Variants in TMEM117 observed in about 807,000 individuals in gnomAD.
The protein encoded by TMEM117 is transmembrane protein 117.
In TMEM117, 27 loss-of-function variants were observed where a neutral mutation model predicts 52.4. The ratio of observed to expected loss-of-function variants is 0.51; its 90% CI spans 0.38 to 0.71. The LOEUF (loss-of-function observed/expected upper bound fraction) is 0.71. Ranked by LOEUF, TMEM117 falls within the 30% of genes least tolerant of loss-of-function variation. TMEM117 has a pLI of 0.00. For synonymous variants in TMEM117, 215 were observed against 206.3 expected (o/e 1.04, Z -0.36); for missense variants, 556 against 630.5 (o/e 0.88, Z 1.26).
chr12:44,039,966 T>A (rs1274091538), intron 3 of TMEM117, among the ~76,000 whole-genome samples: 1 of 152,178 alleles, frequency 6.6e-6, no homozygotes, highest in Non-Finnish European at 1.5e-5. Flanking sequence ...GTCTTTTAAA[T>A]CTTGTGATAG....
chr12:44,064,138 A>G (rs1464261457), intron 3 of TMEM117, among the ~76,000 whole-genome samples: 1 of 152,116 alleles, frequency 6.6e-6, no homozygotes, highest in Admixed American at 6.5e-5. Flanking sequence ...TGATTCCCTA[A>G]AAAGAGAGAT....
At chr12:44,339,168 G>C (rs563319967) in intron 6 of TMEM117, among the ~76,000 whole-genome samples, 162 of 152,106 alleles carry the variant, frequency 1.1e-3, no homozygotes, top group African/African-American at 3.0e-3. Flanking sequence ...CATGTTCTTG[G>C]TTTGCCTAAT....
At chr12:44,046,422 A>T (rs1345514346) in intron 3 of TMEM117, among the ~76,000 whole-genome samples, 2 of 152,232 alleles carry the variant, frequency 1.3e-5, no homozygotes, top group East Asian at 3.8e-4. Context: ...AAGAGCATGC[A>T]TGGAATATAG....
intron 3 of TMEM117, among the ~76,000 whole-genome samples, chr12:43,978,511 CT>C (rs1945709764): frequency 6.6e-6 from 1 of 152,152 alleles, no homozygotes; most frequent in South Asian, 2.1e-4. Context: ...CAAACAGCCA[CT>C]TTTCCATTTT....
At chr12:44,317,002 CTT>C (rs1202276425) in intron 6 of TMEM117, among the ~76,000 whole-genome samples, 17 of 121,526 alleles carry the variant, frequency 1.4e-4, no homozygotes, top group Admixed American at 3.4e-4. Flanking sequence ...TTTTCTTTTT[CTT>C]TTTTTTTTTT....
chr12:44,122,809 T>C (rs1449095551), intron 3 of TMEM117, among the ~76,000 whole-genome samples: 2 of 152,254 alleles, frequency 1.3e-5, no homozygotes, highest in African/African-American at 4.8e-5. Flanking sequence ...TTATCCAGCC[T>C]ATAGTTGATG....
intron 4 of TMEM117, among the ~76,000 whole-genome samples, chr12:44,197,137 A>T (rs772065723): frequency 6.6e-6 from 1 of 152,162 alleles, no homozygotes. Context: ...TAGGCATTTC[A>T]TTTAGAAAAC....
rs1326917461 is a variant in TMEM117 at position 44,388,713 on chromosome 12, G to C, written c.*41G>C. Reference sequence around the variant, plus strand: ...TGGAGATAACACAAAAAGCAACCTTGAGTGTAACTTTAAAAATTTAGTCTT... The same window carrying C: ...TGGAGATAACACAAAAAGCAACCTTCAGTGTAACTTTAAAAATTTAGTCTT... On this transcript the variant is annotated 3_prime_UTR_variant, in exon 8 of 8. Transcript: ENST00000266534. 1.3e-6 allele frequency: 2 copies of C among 1,583,084 alleles called. No homozygotes were observed. Among genetic ancestry groups the C allele is most frequent in the Non-Finnish European group, 1.7e-6 (2 of 1,166,754 alleles).
chr12:43,941,707 T>C (rs1945047426), intron 2 of TMEM117, among the ~76,000 whole-genome samples: 1 of 152,252 alleles, frequency 6.6e-6, no homozygotes, highest in South Asian at 2.1e-4. Context: ...CTGGACTTAA[T>C]ATTTTGCAGC....
rs140894546 is a variant in TMEM117 at position 43,939,977 on chromosome 12, C to T, written c.278-4233C>T. On this transcript the variant is annotated intron_variant, in intron 2 of 7. Coordinates refer to ENST00000266534, the MANE Select transcript of TMEM117 (RefSeq NM_032256.3). The stretch of plus-strand genomic sequence containing the variant: ...AATAAAACCGTCAGCTCTCATGAGA[C>T]TTATTCACTACCACAAGAACAGCAC... 7.0e-3 allele frequency among the ~76,000 whole-genome samples: 1,063 copies of T among 152,268 alleles called. 10 individuals are homozygous for T. Among genetic ancestry groups the T allele is most frequent in the African/African-American group, 0.023 (959 of 41,542 alleles).
At chr12:44,211,837 C>T (rs545065725) in intron 5 of TMEM117, among the ~76,000 whole-genome samples, 50 of 152,284 alleles carry the variant, frequency 3.3e-4, no homozygotes, top group African/African-American at 1.2e-3. Context: ...TTTAGCTCTC[C>T]AGCCCAATCT....
intron 5 of TMEM117, among the ~76,000 whole-genome samples, chr12:44,228,271 A>G (rs1256746476): frequency 3.3e-5 from 5 of 152,138 alleles, no homozygotes; most frequent in Admixed American, 1.3e-4. Flanking sequence ...GACTTGAACT[A>G]TAAAGGAAAC....
intron 2 of TMEM117, among the ~76,000 whole-genome samples, chr12:43,866,021 A>G (rs1372425259): frequency 3.3e-5 from 5 of 151,916 alleles, no homozygotes; most frequent in African/African-American, 1.2e-4. Flanking sequence ...CAGCACTTAG[A>G]TGATCCAGAA....
intron 5 of TMEM117, among the ~76,000 whole-genome samples, chr12:44,254,708 G>A (rs1262188284): frequency 1.3e-5 from 2 of 151,888 alleles, no homozygotes; most frequent in East Asian, 3.9e-4. Context: ...TGCACAATGT[G>A]CAGGTTTGTT....
At chr12:43,907,012 C>T (rs917472484) in intron 2 of TMEM117, among the ~76,000 whole-genome samples, 2 of 152,234 alleles carry the variant, frequency 1.3e-5, no homozygotes, top group African/African-American at 4.8e-5. Context: ...AGGAGGCCTG[C>T]CTGCCTCTGT....
chr12:43,933,148 T>C (rs1944898154), intron 2 of TMEM117, among the ~76,000 whole-genome samples: 1 of 152,300 alleles, frequency 6.6e-6, no homozygotes, highest in Middle Eastern at 3.4e-3. Flanking sequence ...TTTTTTAATA[T>C]TGGTATCAGT....
At chr12:43,796,668 C>A in the TMEM117 span, among the ~76,000 whole-genome samples, 2 of 152,020 alleles carry the variant, frequency 1.3e-5, no homozygotes, top group African/African-American at 4.8e-5. Flanking sequence ...CTGCACTAAC[C>A]AATACGGTAG....
At chr12:44,299,859 AT>A (rs1338928798) in intron 6 of TMEM117, 120 bp downstream of exon 6, 1 of 1,251,842 alleles carries the variant, frequency 8.0e-7, no homozygotes, top group Admixed American at 2.2e-5. Flanking sequence ...GTTACTTTTG[AT>A]GGGGCCTTCT....
intron 5 of TMEM117, among the ~76,000 whole-genome samples, chr12:44,283,792 G>C (rs767508870): frequency 6.6e-6 from 1 of 152,088 alleles, no homozygotes; most frequent in African/African-American, 2.4e-5. Flanking sequence ...AGCCACGGGC[G>C]GAATGATATG....
Sources: allele counts gnomAD v4.1 joint callset (sites outside exome capture counted in the v4.1 genomes callset), GRCh38; gene constraint gnomAD v4.1.1; transcripts MANE v1.5; gene names NCBI Gene and HGNC (gene_info 2026-07-23, HGNC 2026-07-21).